KATNA1: variants seen among roughly 807,000 people sequenced by gnomAD.
KATNA1 encodes the protein katanin p60 ATPase-containing subunit A1.
In KATNA1, 42 loss-of-function variants were observed where a neutral mutation model predicts 62.6. The observed-to-expected ratio is 0.67, with a 90% confidence interval of 0.52 to 0.87. The LOEUF (loss-of-function observed/expected upper bound fraction) is 0.87. Among genes scored for constraint, KATNA1 ranks in the 40% least tolerant of loss-of-function variants. The pLI is 0.00. For synonymous variants in KATNA1, 186 were observed against 201.9 expected, an observed-to-expected ratio of 0.92 and a Z score of 0.67; for missense variants, 498 against 612.5, an observed-to-expected ratio of 0.81 and a Z score of 1.97.
chr6:149,638,001 G>C (rs1357766381), intron 2 of KATNA1, among the ~76,000 whole-genome samples: 7 of 152,058 alleles, frequency 4.6e-5, no homozygotes, highest in African/African-American at 1.7e-4. Flanking sequence ...TTTGAGACAA[G>C]GTCTAGCTCT....
At chr6:149,627,106 A>G (rs548029791) in intron 3 of KATNA1, among the ~76,000 whole-genome samples, 1 of 151,858 alleles carries the variant, frequency 6.6e-6, no homozygotes, top group African/African-American at 2.4e-5. Flanking sequence ...AGAAGAATAA[A>G]GAAGGGGGCC....
chr6:149,595,308 A>C, intron 10 of KATNA1, 74 bp from the exon 11 acceptor site: 1 of 1,143,072 alleles, frequency 8.7e-7, no homozygotes, highest in Non-Finnish European at 1.3e-6. Flanking sequence ...TTAATAGAAA[A>C]ATTTTCAATT....
At chr6:149,603,775 G>C (rs1778637086) in intron 5 of KATNA1, among the ~76,000 whole-genome samples, 1 of 152,118 alleles carries the variant, frequency 6.6e-6, no homozygotes, top group South Asian at 2.1e-4. Flanking sequence ...AGCAGAGACA[G>C]GCTACAACAT....
chr6:149,632,129 C>G (rs1779865415), intron 3 of KATNA1, among the ~76,000 whole-genome samples: 1 of 152,070 alleles, frequency 6.6e-6, no homozygotes, highest in African/African-American at 2.4e-5. Context: ...CACGGTGGCT[C>G]AGGCCTGTAA....
chr6:149,631,653 A>G (rs1304282384), intron 3 of KATNA1: 1 of 152,194 alleles, frequency 6.6e-6, no homozygotes, highest in Non-Finnish European at 1.5e-5. Context: ...TCTTAATGCA[A>G]GGTTAACGGG....
At chr6:149,642,594 C>T (rs951822757) in intron 1 of KATNA1, among the ~76,000 whole-genome samples, 7 of 152,008 alleles carry the variant, frequency 4.6e-5, no homozygotes, top group Non-Finnish European at 8.8e-5. Context: ...ATGTAGCAGA[C>T]AGAAGCAATG....
At position 149,620,361 on chromosome 6, in the gene KATNA1, C is replaced by T. The variant is rs149070003; in HGVS notation, c.501+2742G>A. ...TCTCCCAGGCTGGAGTGCAGTGGCG[C>T]GATCTTGGCTCACTCCGCCTCCCAG... On this transcript the variant is annotated intron_variant, in intron 4 of 10. Transcript: ENST00000367411. 3.6e-3 allele frequency among the ~76,000 whole-genome samples: 555 copies of T among 152,112 alleles called. 3 individuals carry two copies. Among genetic ancestry groups the T allele is most frequent in the African/African-American group, 0.013 (525 of 41,494 alleles).
At position 149,632,978 on chromosome 6, in the gene KATNA1, T is replaced by C; in HGVS notation, c.163-62A>G. 10 of 1,326,064 alleles carry C rather than the reference T, an allele frequency of 7.5e-6. No homozygotes were observed. In the South Asian group the frequency reaches 1.4e-4, roughly 18 times the overall value. 82.1% of individuals were successfully genotyped at this position (1,326,064 alleles called of 1,614,324 possible). On this transcript the variant is annotated intron_variant, in intron 2 of 10. Coordinates refer to ENST00000367411, the MANE Select transcript of KATNA1 (RefSeq NM_007044.4). Reference sequence around the variant, plus strand: ...ATAATATATCACTGTCAAAATTAAATGAGGGCCATTTACTAGAGATGTTAC... The same window carrying C: ...ATAATATATCACTGTCAAAATTAAACGAGGGCCATTTACTAGAGATGTTAC...
rs544379629 is a variant in KATNA1 at position 149,626,292 on chromosome 6, C to CTTTTTT, written c.321-3015_321-3010dup. ...GAAACAACTATTTATATAACATTTA[C>CTTTTTT]TTTTTTTTTTTTTTTTTTTTGAGAC... On this transcript the variant is annotated intron_variant, in intron 3 of 10. Transcript: ENST00000367411. Among the ~76,000 whole-genome samples, 16 of 88,746 alleles carry CTTTTTT rather than the reference C, an allele frequency of 1.8e-4. 1 individual carries two copies. Among genetic ancestry groups the CTTTTTT allele is most frequent in the East Asian group, 1.2e-3 (2 of 1,724 alleles). The allele number at this position is 88,746 out of a possible 152,430, so 58.2% of individuals were successfully genotyped here. A position where few individuals can be genotyped will look rare whatever the true frequency, so the allele number is the denominator to read the frequency against.
At chr6:149,604,545 C>G in intron 5 of KATNA1, 116 bp downstream of exon 5, 1 of 1,079,180 alleles carries the variant, frequency 9.3e-7, no homozygotes. Flanking sequence ...GCTCACGCTG[C>G]ACATACTCCG....
chr6:149,628,718 G>A (rs1779716587), intron 3 of KATNA1, among the ~76,000 whole-genome samples: 1 of 151,664 alleles, frequency 6.6e-6, no homozygotes. Context: ...TACATGGGAG[G>A]CTGAGGCAGG....
At chr6:149,635,443 C>T (rs568399058) in intron 2 of KATNA1, among the ~76,000 whole-genome samples, 20 of 152,326 alleles carry the variant, frequency 1.3e-4, no homozygotes, top group Middle Eastern at 3.4e-3. Context: ...CAGTGGCTCA[C>T]GTCTGTAATC....
At chr6:149,602,358 A>G (rs532575866) in intron 6 of KATNA1, among the ~76,000 whole-genome samples, 102 of 152,326 alleles carry the variant, frequency 6.7e-4, no homozygotes, top group African/African-American at 2.4e-3. Flanking sequence ...GCGAGACTCC[A>G]TCTCAAAACA....
rs1035885455 is a variant in KATNA1 at position 149,604,703 on chromosome 6, G to T, written c.581C>A (p.Ala194Asp). Reference sequence around the variant, plus strand: ...CTGGGAAATTATATCTCTTTCCAAAGCTTCTACTAAGTCTTTATCATATCC... The same window carrying T: ...CTGGGAAATTATATCTCTTTCCAAATCTTCTACTAAGTCTTTATCATATCC... ...STGYDKDLVE[A>D]LERDIISQNP... Residue 194 changes from alanine (A) to aspartate (D), a missense_variant, in exon 5 of 11, where the codon GCT becomes GAT. Around this residue, in one of 3 missense-constraint regions of KATNA1, gnomAD observed 203 missense variants for 198.4 expected, o/e 1.02. Coordinates refer to ENST00000367411, the MANE Select transcript of KATNA1 (RefSeq NM_007044.4). The T allele has an allele frequency of 1.9e-6, 3 of 1,612,748 alleles. No individual in the cohort carries two copies. The highest frequency in any genetic ancestry group is 2.5e-6 in the Non-Finnish European group (3 of 1,178,908).
chr6:149,631,176 A>G (rs1415711040), intron 3 of KATNA1, among the ~76,000 whole-genome samples: 2 of 152,078 alleles, frequency 1.3e-5, no homozygotes, highest in Non-Finnish European at 2.9e-5. Context: ...AAGGTGGGTG[A>G]ATCACGAGGT....
intron 4 of KATNA1, among the ~76,000 whole-genome samples, chr6:149,622,449 G>C (rs894901140): frequency 4.6e-5 from 7 of 152,026 alleles, no homozygotes; most frequent in Admixed American, 2.0e-4. Flanking sequence ...CAGGAAAAGG[G>C]TATACAGAAA....
intron 10 of KATNA1, among the ~76,000 whole-genome samples, chr6:149,595,519 T>A (rs1778268301): frequency 6.6e-6 from 1 of 152,200 alleles, no homozygotes; most frequent in Admixed American, 6.5e-5. Flanking sequence ...AATTTGAATT[T>A]CATTATAACT....
At position 149,641,422 on chromosome 6, in the gene KATNA1, C is replaced by T. The variant is rs567311223; in HGVS notation, c.-13-2862G>A. ...TAATCTCCTGACCTCAGGATCTACC[C>T]GCCTAGGCCTCCCAGAGTGCTGGGA... On this transcript the variant is annotated intron_variant, in intron 1 of 10. Coordinates refer to ENST00000367411, the MANE Select transcript of KATNA1 (RefSeq NM_007044.4). Among the ~76,000 whole-genome samples, 103 of 151,900 alleles carry T rather than the reference C, an allele frequency of 6.8e-4. 3 individuals carry two copies. In the South Asian group the frequency reaches 0.017, roughly 25 times the overall value.
At chr6:149,604,936 A>G (rs1778679405) in intron 4 of KATNA1, among the ~76,000 whole-genome samples, 154 bp from the exon 5 acceptor site, 1 of 152,204 alleles carries the variant, frequency 6.6e-6, no homozygotes, top group South Asian at 2.1e-4. Flanking sequence ...GCACTTTGGG[A>G]GGCCAAGATG....
Sources: gnomAD v4.1 joint callset for allele counts (sites outside exome capture counted in the v4.1 genomes callset) on GRCh38, gnomAD v4.1.1 for gene constraint, gnomAD v4.1.1 regional missense constraint, MANE v1.5 for transcripts, NCBI Gene and HGNC (gene_info 2026-07-23, HGNC 2026-07-21) for gene names.